Variants in MACROD2 observed in about 807,000 individuals in gnomAD.
MACROD2 encodes the protein ADP-ribose glycohydrolase MACROD2.
In MACROD2, 36 loss-of-function variants were observed where a neutral mutation model predicts 70.4. That is an observed-to-expected ratio of 0.51 (90% CI 0.39 to 0.68). The LOEUF is 0.68. MACROD2 is among the 30% of genes least tolerant of loss of function. The pLI is 0.00. For synonymous variants in MACROD2, 172 were observed against 178.8 expected (o/e 0.96, Z 0.30); for missense variants, 496 against 538.4 (o/e 0.92, Z 0.78).
At chr20:14,895,365 G>A (rs2073814739) in intron 5 of MACROD2, 1 of 152,166 alleles carries the variant, frequency 6.6e-6, no homozygotes, top group Non-Finnish European at 1.5e-5. Context: ...AGTAGAGCAG[G>A]AGTATTTCTG....
intron 5 of MACROD2, among the ~76,000 whole-genome samples, chr20:14,785,322 C>T (rs940726402): frequency 6.6e-6 from 1 of 152,070 alleles, no homozygotes; most frequent in Non-Finnish European, 1.5e-5. Flanking sequence ...ACCATTTCCT[C>T]TCCTGTTTCC....
intron 5 of MACROD2, among the ~76,000 whole-genome samples, chr20:14,861,915 T>C (rs2073322455): frequency 7.7e-6 from 1 of 130,414 alleles, no homozygotes; most frequent in Admixed American, 9.7e-5. Context: ...CTGCAATACT[T>C]GTGGGGGCTG....
chr20:14,698,770 T>TG (rs2071157359), intron 5 of MACROD2, among the ~76,000 whole-genome samples: 1 of 149,324 alleles, frequency 6.7e-6, no homozygotes, highest in African/African-American at 2.4e-5. Context: ...TTAAATGTAA[T>TG]TATTTAATTA....
intron 2 of MACROD2, among the ~76,000 whole-genome samples, chr20:14,033,988 T>A (rs903612735): frequency 1.3e-5 from 2 of 152,078 alleles, no homozygotes; most frequent in African/African-American, 4.8e-5. Flanking sequence ...ATTTATTTAT[T>A]TGAGATGGAG....
intron 5 of MACROD2, among the ~76,000 whole-genome samples, chr20:15,034,406 A>G (rs1484282670): frequency 1.3e-5 from 2 of 152,146 alleles, no homozygotes; most frequent in East Asian, 3.8e-4. Flanking sequence ...AATCAGCAGT[A>G]TCATTTTCTG....
At chr20:15,912,695 TCA>T (rs1434454119) in intron 10 of MACROD2, among the ~76,000 whole-genome samples, 1 of 152,194 alleles carries the variant, frequency 6.6e-6, no homozygotes, top group Admixed American at 6.5e-5. Flanking sequence ...AAAGGTGCCT[TCA>T]GTGGAGGTTA....
chr20:14,934,378 A>G (rs1179322532), intron 5 of MACROD2, among the ~76,000 whole-genome samples: 1 of 152,174 alleles, frequency 6.6e-6, no homozygotes, highest in Non-Finnish European at 1.5e-5. Flanking sequence ...GCTCTTTTTT[A>G]CAAGCAGCTA....
At chr20:15,815,339 G>A (rs1037549488) in intron 8 of MACROD2, among the ~76,000 whole-genome samples, 1 of 151,850 alleles carries the variant, frequency 6.6e-6, no homozygotes, top group East Asian at 1.9e-4. Context: ...GTGGGTTTTC[G>A]TTTTGTTATA....
At chr20:15,961,481 T>C (rs1007513608) in intron 12 of MACROD2, among the ~76,000 whole-genome samples, 2 of 152,204 alleles carry the variant, frequency 1.3e-5, no homozygotes, top group African/African-American at 4.8e-5. Flanking sequence ...TCCAAGTGTC[T>C]GGCTAAAAGC....
intron 8 of MACROD2, among the ~76,000 whole-genome samples, chr20:15,596,317 T>A (rs1034376266): frequency 6.6e-6 from 1 of 151,062 alleles, no homozygotes; most frequent in Non-Finnish European, 1.5e-5. Flanking sequence ...CTTCTTATGG[T>A]GGGTGTTGTA....
At chr20:15,676,744 C>T (rs1383708355) in intron 8 of MACROD2, among the ~76,000 whole-genome samples, 3 of 152,134 alleles carry the variant, frequency 2.0e-5, no homozygotes, top group African/African-American at 4.8e-5. Flanking sequence ...GGCTTATGTT[C>T]AGTATTTTAC....
intron 3 of MACROD2, among the ~76,000 whole-genome samples, chr20:14,344,216 G>A (rs2083042391): frequency 6.6e-6 from 1 of 152,186 alleles, no homozygotes; most frequent in Non-Finnish European, 1.5e-5. Flanking sequence ...ACTGTCTGCA[G>A]GAAGCAGATT....
intron 3 of MACROD2, among the ~76,000 whole-genome samples, chr20:14,110,916 C>T (rs1306418628): frequency 1.3e-5 from 2 of 151,862 alleles, no homozygotes; most frequent in Admixed American, 6.6e-5. Flanking sequence ...CCACAATAGC[C>T]AAAGCTATCC....
chr20:14,911,667 C>G lies in MACROD2; in HGVS notation c.418+226708C>G, dbSNP rs1279473603. ...GGATTGCAGATGTGAGCCACCAGACCTGGCCAGGGTTCTGATCTCTGAATT... is the reference window on the plus strand; with the variant it reads ...GGATTGCAGATGTGAGCCACCAGACGTGGCCAGGGTTCTGATCTCTGAATT... On this transcript the variant is annotated intron_variant, in intron 5 of 17. Coordinates refer to ENST00000684519, the MANE Select transcript of MACROD2 (RefSeq NM_001351661.2). 1.3e-5 allele frequency among the ~76,000 whole-genome samples: 2 copies of G among 152,068 alleles called. 1 individual carries two copies. Among genetic ancestry groups the G allele is most frequent in the Non-Finnish European group, 2.9e-5 (2 of 68,006 alleles).
intron 6 of MACROD2, among the ~76,000 whole-genome samples, chr20:15,368,895 G>GACCAT (rs1318335318): frequency 2.0e-5 from 3 of 152,176 alleles, no homozygotes; most frequent in Non-Finnish European, 4.4e-5. Context: ...CTTGTGGCTA[G>GACCAT]ACCATGGGAA....
chr20:14,535,218 T>C (rs762824097), intron 4 of MACROD2, among the ~76,000 whole-genome samples: 2 of 152,274 alleles, frequency 1.3e-5, no homozygotes, highest in East Asian at 3.9e-4. Flanking sequence ...ATAGGAGTTA[T>C]CTTGGCTGGG....
At chr20:14,291,171 G>A (rs1014503117) in intron 3 of MACROD2, among the ~76,000 whole-genome samples, 3 of 152,002 alleles carry the variant, frequency 2.0e-5, no homozygotes, top group Non-Finnish European at 4.4e-5. Flanking sequence ...TTATTCCTCT[G>A]ACAAATATTA....
chr20:14,742,235 A>G (rs2071741753), intron 5 of MACROD2, among the ~76,000 whole-genome samples: 1 of 152,164 alleles, frequency 6.6e-6, no homozygotes, highest in South Asian at 2.1e-4. Flanking sequence ...TGGAGTGTGA[A>G]TCCTGAGAGA....
intron 6 of MACROD2, among the ~76,000 whole-genome samples, chr20:15,264,971 A>G (rs1352705580): frequency 1.3e-5 from 2 of 152,162 alleles, no homozygotes; most frequent in African/African-American, 2.4e-5. Flanking sequence ...ACTTCTGGGT[A>G]TTGTTTTCTG....
Sources: gnomAD v4.1 joint callset for allele counts (sites outside exome capture counted in the v4.1 genomes callset) on GRCh38, gnomAD v4.1.1 for gene constraint, MANE v1.5 for transcripts, NCBI Gene and HGNC (gene_info 2026-07-23, HGNC 2026-07-21) for gene names.